RBFOX3: variants seen among roughly 807,000 people sequenced by gnomAD.
RBFOX3 encodes the protein RNA binding protein fox-1 homolog 3.
A neutral mutation model predicts 48.7 loss-of-function variants in RBFOX3; 17 were observed. The ratio of observed to expected loss-of-function variants is 0.35; its 90% CI spans 0.24 to 0.52. RBFOX3 has a LOEUF of 0.52. RBFOX3 is among the 20% of genes least tolerant of loss of function. The pLI, the probability that RBFOX3 is intolerant of heterozygous loss-of-function variation, is 0.94. For synonymous variants in RBFOX3, 212 were observed against 209.5 expected, an observed-to-expected ratio of 1.01 and a Z score of -0.10; for missense variants, 382 against 497.5, an observed-to-expected ratio of 0.77 and a Z score of 2.21.
chr17:79,616,629 C>T, the RBFOX3 span, among the ~76,000 whole-genome samples: 3 of 151,218 alleles, frequency 2.0e-5, no homozygotes, highest in Non-Finnish European at 4.4e-5. Flanking sequence ...TTCCCCACTA[C>T]TGCCAGGCCT....
intron 2 of RBFOX3, among the ~76,000 whole-genome samples, chr17:79,457,573 G>A (rs899231934): frequency 6.6e-6 from 1 of 152,152 alleles, no homozygotes; most frequent in Non-Finnish European, 1.5e-5. Context: ...CGGGACCTCC[G>A]TTTCCGGGGC....
chr17:79,606,565 G>A (rs1285955307), intron 1 of RBFOX3, among the ~76,000 whole-genome samples: 1 of 152,212 alleles, frequency 6.6e-6, no homozygotes, highest in Non-Finnish European at 1.5e-5. Flanking sequence ...CCTCTAAGGC[G>A]TGTTTTGGTG....
intron 4 of RBFOX3, among the ~76,000 whole-genome samples, chr17:79,148,337 G>A (rs1050914377): frequency 6.6e-6 from 1 of 152,208 alleles, no homozygotes; most frequent in African/African-American, 2.4e-5. Flanking sequence ...CCTGGCTTGG[G>A]GCGGGTCCAA....
chr17:79,154,637 G>C (rs1299903100), intron 4 of RBFOX3, among the ~76,000 whole-genome samples: 1 of 152,222 alleles, frequency 6.6e-6, no homozygotes, highest in Non-Finnish European at 1.5e-5. Flanking sequence ...CCAGTATTTG[G>C]CTGGGTCTCG....
intron 1 of RBFOX3, among the ~76,000 whole-genome samples, chr17:79,533,608 A>G (rs1414157204): frequency 1.3e-5 from 2 of 152,240 alleles, no homozygotes; most frequent in African/African-American, 4.8e-5. Context: ...CATGAGGCAT[A>G]GATACCCCGC....
intron 4 of RBFOX3, among the ~76,000 whole-genome samples, chr17:79,158,269 T>C (rs2145183165): frequency 6.6e-6 from 1 of 152,310 alleles, no homozygotes; most frequent in East Asian, 1.9e-4. Context: ...ACGCCTGTTG[T>C]TTATGCCACC....
intron 2 of RBFOX3, among the ~76,000 whole-genome samples, chr17:79,478,456 C>T (rs1555764342): frequency 6.6e-6 from 1 of 152,204 alleles, no homozygotes; most frequent in African/African-American, 2.4e-5. Flanking sequence ...CGGCAGCACC[C>T]GCTCCCATCT....
rs988067285 is a variant in RBFOX3 at position 79,557,256 on chromosome 17, G to A, written c.-320+53570C>T. ...AAAAAAAAAAAAAAAAAAAGGAAAGGAAAGGAAAGAAATTGCCCAGAGAAT... is the reference window on the plus strand; with the variant it reads ...AAAAAAAAAAAAAAAAAAAGGAAAGAAAAGGAAAGAAATTGCCCAGAGAAT... On this transcript the variant is annotated intron_variant, in intron 1 of 14. Transcript: ENST00000693108. Among the ~76,000 whole-genome samples, 11 of 149,864 alleles carry A rather than the reference G, an allele frequency of 7.3e-5. No homozygotes were observed. In the East Asian group the frequency reaches 2.2e-3, roughly 29 times the overall value.
At chr17:79,208,851 C>A (rs962512609) in intron 4 of RBFOX3, among the ~76,000 whole-genome samples, 3 of 151,720 alleles carry the variant, frequency 2.0e-5, no homozygotes, top group African/African-American at 7.3e-5. Context: ...AGTCTCGCTC[C>A]GTCGCCCAGG....
chr17:79,128,669 C>T (rs926018902), intron 4 of RBFOX3, among the ~76,000 whole-genome samples: 4 of 152,184 alleles, frequency 2.6e-5, no homozygotes, highest in South Asian at 2.1e-4. Context: ...AAAGCCAGGT[C>T]GTAGCCAGCA....
intron 2 of RBFOX3, among the ~76,000 whole-genome samples, chr17:79,374,962 C>T (rs1431548740): frequency 6.6e-6 from 1 of 152,132 alleles, no homozygotes; most frequent in East Asian, 1.9e-4. Context: ...TCCCTCTCTC[C>T]CTCCTGCCCC....
rs547905615 is a variant in RBFOX3 at position 79,118,751 on chromosome 17, T to C, written c.-33-3003A>G. 2.8e-4 allele frequency among the ~76,000 whole-genome samples: 42 copies of C among 151,540 alleles called. No homozygotes were observed. In the East Asian group the frequency reaches 2.9e-3, roughly 11 times the overall value. On this transcript the variant is annotated intron_variant, in intron 4 of 14. Coordinates refer to ENST00000693108, the MANE Select transcript of RBFOX3 (RefSeq NM_001350451.2). ...ACTTTGGGAGGCTGAGGTGGGAGGA[T>C]TGCTTGAGCCCAGGAGTTCGAGACC...
chr17:79,357,180 A>G (rs1350598398), intron 2 of RBFOX3, among the ~76,000 whole-genome samples: 3 of 152,216 alleles, frequency 2.0e-5, no homozygotes, highest in Admixed American at 6.5e-5. Context: ...AAACGCAAAC[A>G]CAAGCAGGCT....
the RBFOX3 span, among the ~76,000 whole-genome samples, chr17:79,621,269 A>T: frequency 1.3e-5 from 2 of 151,940 alleles, no homozygotes; most frequent in Non-Finnish European, 2.9e-5. Context: ...AAAGTGCTGG[A>T]ATTACAGGTG....
intron 4 of RBFOX3, among the ~76,000 whole-genome samples, chr17:79,186,516 C>T (rs1183615250): frequency 1.3e-5 from 2 of 152,174 alleles, no homozygotes; most frequent in Non-Finnish European, 2.9e-5. Flanking sequence ...AGGCCCCATG[C>T]AGCCCTCCCG....
chr17:79,581,974 G>A (rs1389429534), intron 1 of RBFOX3, among the ~76,000 whole-genome samples: 1 of 151,294 alleles, frequency 6.6e-6, no homozygotes, highest in Non-Finnish European at 1.5e-5. Flanking sequence ...GTGCCTGTGC[G>A]TGGCTGTGTA....
rs370247660 is a variant in RBFOX3, at chr17:79,221,659, C to A, written c.-34+14107G>T. On this transcript the variant is annotated intron_variant, in intron 4 of 14. Transcript: ENST00000693108. ...GTCTTCAGTGAGAGCCCACCCAGAC[C>A]CACAGAGGTCTTCCCACCCTGTCAC... Among the ~76,000 whole-genome samples the A allele has an allele frequency of 8.4e-4, 128 of 152,308 alleles. 2 individuals carry two copies. The South Asian group carries it at 0.024, about 29-fold the overall frequency.
At chr17:79,376,791 G>A (rs570172016) in intron 2 of RBFOX3, among the ~76,000 whole-genome samples, 1 of 152,110 alleles carries the variant, frequency 6.6e-6, no homozygotes, top group African/African-American at 2.4e-5. Context: ...TCACCTGTTC[G>A]CTTTTCTGTC....
chr17:79,292,612 ACACATACAT>A (rs2073544313), intron 3 of RBFOX3, among the ~76,000 whole-genome samples: 1 of 68,784 alleles, frequency 1.5e-5, no homozygotes, highest in African/African-American at 5.7e-5. Context: ...ACACACACAC[ACACATACAT>A]GCAGACCCAG....
Sources: allele counts gnomAD v4.1 joint callset (sites outside exome capture counted in the v4.1 genomes callset), GRCh38; gene constraint gnomAD v4.1.1; transcripts MANE v1.5; gene names NCBI Gene and HGNC (gene_info 2026-07-23, HGNC 2026-07-21).